The following TMEM170B variants were observed in gnomAD, a reference collection of about 807,000 sequenced individuals.
TMEM170B encodes the protein transmembrane protein 170B.
In TMEM170B, 6 loss-of-function variants were observed where a neutral mutation model predicts 13.0. That is an observed-to-expected ratio of 0.46 (90% CI 0.25 to 0.91). The LOEUF (loss-of-function observed/expected upper bound fraction) is 0.91, where lower values mean the gene tolerates loss of function less well. Among genes scored for constraint, TMEM170B ranks in the 40% least tolerant of loss-of-function variants. The pLI is 0.17. For missense variants in TMEM170B, 138 were observed against 165.2 expected (o/e 0.84, Z 0.90); for synonymous variants, 61 against 64.9 (o/e 0.94, Z 0.29).
chr6:11,562,529 T>C (rs547152310), intron 1 of TMEM170B, among the ~76,000 whole-genome samples: 1 of 152,050 alleles, frequency 6.6e-6, no homozygotes, highest in African/African-American at 2.4e-5. Flanking sequence ...CTTAAGAATT[T>C]GGCAGGGTAA....
Position 11,582,599 on chromosome 6 carries a change from G to A in TMEM170B, c.*7038G>A, listed in dbSNP as rs966355070. On this transcript the variant is annotated 3_prime_UTR_variant, in exon 3 of 3. Transcript: ENST00000379426. ...AAAAATGTAGTTAAGAAAATTAAGTGTGAGACTTTAAAATTTAGTTTTGTT... is the reference window on the plus strand; with the variant it reads ...AAAAATGTAGTTAAGAAAATTAAGTATGAGACTTTAAAATTTAGTTTTGTT... The A allele has an allele frequency of 3.3e-5, 5 of 152,182 alleles. No individual in the cohort carries two copies. Among genetic ancestry groups the A allele is most frequent in the Admixed American group, 3.3e-4 (5 of 15,268 alleles). The allele number at this position is 152,182 out of a possible 1,614,324, so 9.4% of individuals were successfully genotyped here.
intron 1 of TMEM170B, among the ~76,000 whole-genome samples, chr6:11,540,629 G>C (rs1485868024): frequency 6.6e-6 from 1 of 152,162 alleles, no homozygotes; most frequent in Non-Finnish European, 1.5e-5. Flanking sequence ...GGAGTCAATT[G>C]CTTTCCAACT....
chr6:11,540,501 C>A (rs1759345534), intron 1 of TMEM170B, among the ~76,000 whole-genome samples: 2 of 152,320 alleles, frequency 1.3e-5, no homozygotes, highest in South Asian at 2.1e-4. Flanking sequence ...GAGATTGCAA[C>A]AATTCAGTCA....
chr6:11,575,676 A>G lies in TMEM170B; in HGVS notation c.*115A>G. ...TGCAAGAATGTGGACTGAGCAGGTC[A>G]AAGCATAAGGAAGACCTTGAGCTGT... On this transcript the variant is annotated 3_prime_UTR_variant, in exon 3 of 3. Coordinates refer to ENST00000379426, the MANE Select transcript of TMEM170B (RefSeq NM_001100829.3). The surrounding 1 kb of genome is among the most constrained non-coding windows in gnomAD (Gnocchi z 4.1). The G allele has an allele frequency of 1.5e-6, 2 of 1,318,504 alleles. No individual in the cohort carries two copies. The highest frequency in any genetic ancestry group is 2.1e-6 in the Non-Finnish European group (2 of 941,202). The allele number at this position is 1,318,504 out of a possible 1,614,324, so 81.7% of individuals were successfully genotyped here.
intron 1 of TMEM170B, among the ~76,000 whole-genome samples, chr6:11,540,169 G>A (rs1482471959): frequency 6.6e-6 from 1 of 152,186 alleles, no homozygotes; most frequent in Non-Finnish European, 1.5e-5. Flanking sequence ...GCTGGAGATT[G>A]GGATGATGGC....
At position 11,537,815 on chromosome 6, in the gene TMEM170B, C is replaced by A. The variant is rs1482462765; in HGVS notation, c.-463C>A. ...GGTGCCGCCGCAGCCTCTGGCTGGT[C>A]CCGCGTCTCCGTCCTCCGGCGGCGA... On this transcript the variant is annotated 5_prime_UTR_variant, in exon 1 of 3. Transcript: ENST00000379426. Among the ~76,000 whole-genome samples the A allele has an allele frequency of 6.6e-6, 1 of 151,494 alleles. No individual in the cohort carries two copies. The highest frequency in any genetic ancestry group is 2.4e-5 in the African/African-American group (1 of 41,314).
intron 1 of TMEM170B, among the ~76,000 whole-genome samples, chr6:11,549,385 C>G (rs945705325): frequency 6.6e-6 from 1 of 152,230 alleles, no homozygotes; most frequent in Admixed American, 6.5e-5. Flanking sequence ...AGCCTCAGGC[C>G]AGGCACGGTG....
At chr6:11,548,675 CAT>C in intron 1 of TMEM170B, among the ~76,000 whole-genome samples, 1 of 152,234 alleles carries the variant, frequency 6.6e-6, no homozygotes, top group African/African-American at 2.4e-5. Flanking sequence ...AACCAACCCA[CAT>C]GTCCATCAAT....
chr6:11,565,746 A>G lies in TMEM170B; in HGVS notation c.178A>G (p.Met60Val), dbSNP rs373457138. The part of the protein sequence containing the change: ...HGAAGVLMFV[M>V]LQRHRQGRVI... ...TGCTGCAGGAGTGTTGATGTTTGTGATGCTGCAGAGGCATAGGCAGGGAAG... is the reference window on the plus strand; with the variant it reads ...TGCTGCAGGAGTGTTGATGTTTGTGGTGCTGCAGAGGCATAGGCAGGGAAG... The change falls in exon 2 of 3, where the codon ATG becomes GTG. Residue 60 changes from methionine to valine, a missense_variant. Physicochemically the swap from Met to Val is conservative, Grantham distance 21. Transcript: ENST00000379426. 2 of 1,614,112 alleles carry G rather than the reference A, an allele frequency of 1.2e-6. No homozygotes were observed. The highest frequency in any genetic ancestry group is 1.7e-6 in the Non-Finnish European group (2 of 1,180,000).
rs188282854 is a variant in TMEM170B at position 11,573,635 on chromosome 6, G to C, written c.269-1796G>C. 1.3e-3 allele frequency among the ~76,000 whole-genome samples: 194 copies of C among 152,266 alleles called. 4 individuals carry two copies. The highest frequency in any genetic ancestry group is 8.8e-5 in the Non-Finnish European group (6 of 68,014). The stretch of plus-strand genomic sequence containing the variant: ...TCCTCACCTTATGTAAGCATGCAAC[G>C]TTTGAATTGACACAGTTGTTTGCCA... On this transcript the variant is annotated intron_variant, in intron 2 of 2. Transcript: ENST00000379426.
intron 1 of TMEM170B, among the ~76,000 whole-genome samples, chr6:11,564,109 G>T (rs1175015165): frequency 1.3e-5 from 2 of 152,194 alleles, no homozygotes; most frequent in Non-Finnish European, 2.9e-5. Flanking sequence ...TTTTTCCGTT[G>T]TATGTGTACC....
chr6:11,550,495 C>T (rs1759510449), intron 1 of TMEM170B, among the ~76,000 whole-genome samples: 1 of 151,452 alleles, frequency 6.6e-6, no homozygotes, highest in African/African-American at 2.4e-5. Flanking sequence ...TTTTAGCCAA[C>T]GCTTTACCCT....
chr6:11,556,155 CAAAAAAAAAAAAA>C (rs1158366059), intron 1 of TMEM170B, among the ~76,000 whole-genome samples: 2 of 198 alleles, frequency 0.01, 1 homozygote, highest in African/African-American at 0.011. Context: ...GACTCCGTCT[CAAAAAAAAAAAAA>C]AAAAAAAAAA....
intron 1 of TMEM170B, among the ~76,000 whole-genome samples, chr6:11,552,707 A>G (rs1254890689): frequency 6.6e-6 from 1 of 152,224 alleles, no homozygotes; most frequent in Non-Finnish European, 1.5e-5. Context: ...AACATGGGTA[A>G]CATATATTCT....
chr6:11,564,795 C>T (rs1448697784), intron 1 of TMEM170B, among the ~76,000 whole-genome samples: 1 of 152,180 alleles, frequency 6.6e-6, no homozygotes, highest in Non-Finnish European at 1.5e-5. Context: ...CTTTCTGCTT[C>T]AGCTACCCAA....
intron 2 of TMEM170B, among the ~76,000 whole-genome samples, chr6:11,568,029 C>T (rs564556705): frequency 6.6e-6 from 1 of 151,884 alleles, no homozygotes; most frequent in African/African-American, 2.4e-5. Flanking sequence ...TGCTCGATCC[C>T]CAAAAATAAA....
intron 1 of TMEM170B, among the ~76,000 whole-genome samples, chr6:11,561,822 C>G (rs1421860402): frequency 6.6e-6 from 1 of 152,076 alleles, no homozygotes; most frequent in Non-Finnish European, 1.5e-5. Flanking sequence ...ATTTGAAATT[C>G]TATTTTAATT....
chr6:11,538,552 CG>C (rs1239388830), intron 1 of TMEM170B, among the ~76,000 whole-genome samples, 178 bp downstream of exon 1: 2 of 152,094 alleles, frequency 1.3e-5, no homozygotes, highest in Non-Finnish European at 2.9e-5. Context: ...CCGGGGGCGC[CG>C]GCTCCCGCCA....
rs1426952268 is a variant in TMEM170B at position 11,575,037 on chromosome 6, T to C, written c.269-394T>C. On this transcript the variant is annotated intron_variant, in intron 2 of 2. Transcript: ENST00000379426. This position sits in a 1 kb window ranked among gnomAD's most constrained non-coding sequence, Gnocchi z 4.1. ...AAATTACATTAAATTATGTTATTTT[T>C]CTGCATTATCACTTGTAATTATCAG... Among the ~76,000 whole-genome samples the C allele has an allele frequency of 6.6e-6, 1 of 152,082 alleles. No individual in the cohort carries two copies. The highest frequency in any genetic ancestry group is 1.5e-5 in the Non-Finnish European group (1 of 68,008).
Sources: allele counts gnomAD v4.1 joint callset (sites outside exome capture counted in the v4.1 genomes callset), GRCh38; gene constraint gnomAD v4.1.1; non-coding constraint Gnocchi (gnomAD v3.1); transcripts MANE v1.5; gene names NCBI Gene and HGNC (gene_info 2026-07-23, HGNC 2026-07-21).